The following RNF38 variants were observed in gnomAD, a reference collection of about 807,000 sequenced individuals.
RNF38 encodes ring finger protein 38.
In RNF38, 15 loss-of-function variants were observed where a neutral mutation model predicts 67.2. The ratio of observed to expected loss-of-function variants is 0.22; its 90% CI spans 0.15 to 0.34. The LOEUF (loss-of-function observed/expected upper bound fraction) is 0.34. Among genes scored for constraint, RNF38 ranks in the 10% least tolerant of loss-of-function variants. The pLI is 1.00. For synonymous variants in RNF38, 220 were observed against 218.8 expected (o/e 1.01, Z -0.05); for missense variants, 524 against 639.9 (o/e 0.82, Z 1.95).
chr9:36,343,344 G>A (rs1055140784), intron 10 of RNF38, among the ~76,000 whole-genome samples: 1 of 152,082 alleles, frequency 6.6e-6, no homozygotes, highest in African/African-American at 2.4e-5. Context: ...TCTGAGAGAA[G>A]ACATTTTTGA....
At chr9:36,427,657 C>CCCTATCTA (rs571011739) in intron 1 of RNF38, among the ~76,000 whole-genome samples, 1 of 147,064 alleles carries the variant, frequency 6.8e-6, no homozygotes, top group African/African-American at 2.5e-5. Context: ...ATTTCCCAGC[C>CCCTATCTA]TCTATCTATC....
intron 1 of RNF38, among the ~76,000 whole-genome samples, chr9:36,446,789 C>T (rs1458402670): frequency 8.6e-6 from 1 of 116,174 alleles, no homozygotes; most frequent in East Asian, 2.8e-4. Context: ...GCCTGGGCGA[C>T]AGAGTGAGAC....
At chr9:36,426,110 T>C (rs952906539) in intron 1 of RNF38, among the ~76,000 whole-genome samples, 2 of 152,248 alleles carry the variant, frequency 1.3e-5, no homozygotes, top group African/African-American at 4.8e-5. Context: ...AGCTTACTGA[T>C]ACTTCCAGAT....
chr9:36,467,756 T>C (rs1025971660), intron 1 of RNF38, among the ~76,000 whole-genome samples: 6 of 152,292 alleles, frequency 3.9e-5, no homozygotes, highest in South Asian at 2.1e-4. Flanking sequence ...ATGGTACCTG[T>C]TACCACCTCT....
chr9:36,476,009 CAAAAA>C (rs139323204), intron 1 of RNF38, among the ~76,000 whole-genome samples: 5 of 109,448 alleles, frequency 4.6e-5, no homozygotes, highest in Admixed American at 1.9e-4. Context: ...ACTCTGTTTC[CAAAAA>C]AAAAAAAAAA....
At chr9:36,474,138 C>T (rs1376787109) in intron 1 of RNF38, among the ~76,000 whole-genome samples, 1 of 151,642 alleles carries the variant, frequency 6.6e-6, no homozygotes. Context: ...ACGGTGAAAC[C>T]CCATCTCTAC....
chr9:36,365,088 T>C (rs1834839497), intron 4 of RNF38, among the ~76,000 whole-genome samples: 1 of 152,214 alleles, frequency 6.6e-6, no homozygotes. Flanking sequence ...GTTCACTTTC[T>C]ATGGCTGTAG....
intron 9 of RNF38, among the ~76,000 whole-genome samples, chr9:36,349,939 C>G (rs911520316): frequency 6.6e-6 from 1 of 152,158 alleles, no homozygotes; most frequent in East Asian, 1.9e-4. Flanking sequence ...CAGCCTCCCC[C>G]TCCCGAGTAG....
chr9:36,342,182 T>C (rs112124794), intron 11 of RNF38, 143 bp downstream of exon 11: 1 of 384,632 alleles, frequency 2.6e-6, no homozygotes, highest in Admixed American at 5.5e-5. Context: ...TTACTGGCCT[T>C]TTCTCATTTG....
At chr9:36,394,806 A>G (rs1837399240) in intron 1 of RNF38, among the ~76,000 whole-genome samples, 1 of 152,210 alleles carries the variant, frequency 6.6e-6, no homozygotes, top group Non-Finnish European at 1.5e-5. Context: ...GTAAGTATCA[A>G]CTATTCCACC....
chr9:36,445,329 A>C (rs1449283288), intron 1 of RNF38, among the ~76,000 whole-genome samples: 1 of 152,240 alleles, frequency 6.6e-6, no homozygotes, highest in East Asian at 1.9e-4. Flanking sequence ...AGTCATACAA[A>C]GTAGATTTTG....
At chr9:36,428,013 T>C (rs1352720503) in intron 1 of RNF38, among the ~76,000 whole-genome samples, 2 of 151,070 alleles carry the variant, frequency 1.3e-5, no homozygotes, top group Non-Finnish European at 2.9e-5. Context: ...CCCAGACAAA[T>C]TTCTCAGCTC....
chr9:36,474,596 A>G (rs1241637967), intron 1 of RNF38, among the ~76,000 whole-genome samples: 4 of 148,110 alleles, frequency 2.7e-5, no homozygotes, highest in African/African-American at 1.0e-4. Flanking sequence ...TATCATCTCC[A>G]GCGAGTTGTT....
intron 2 of RNF38, among the ~76,000 whole-genome samples, chr9:36,386,646 T>G (rs1836662173): frequency 1.3e-5 from 2 of 152,264 alleles, no homozygotes; most frequent in Admixed American, 1.3e-4. Flanking sequence ...ATACAAGACC[T>G]TCCTGATATT....
rs900221742 is a variant in RNF38, at chr9:36,447,062, G to C, written n.242-22379C>G. 1.3e-5 allele frequency among the ~76,000 whole-genome samples: 2 copies of C among 151,456 alleles called. 1 individual carries two copies. The highest frequency in any genetic ancestry group is 1.3e-4 in the Admixed American group (2 of 15,172). On this transcript the variant is annotated intron_variant and non_coding_transcript_variant, in intron 1 of 3. Transcript: ENST00000488058. ...GAATTGCTTGAACACAGGAGATGGA[G>C]GTTGCAGTGAGTTGAGATCGTGTCA...
intron 4 of RNF38, among the ~76,000 whole-genome samples, chr9:36,366,408 T>C (rs1216672041): frequency 6.6e-6 from 1 of 152,206 alleles, no homozygotes; most frequent in Non-Finnish European, 1.5e-5. Context: ...GATTAGTATG[T>C]CTGGGTTGTT....
upstream of RNF38, chr9:36,400,757 G>A (rs1211421165): frequency 2.0e-6 from 2 of 985,662 alleles, no homozygotes; most frequent in Non-Finnish European, 1.2e-6. Context: ...GGCCGCGCCA[G>A]GAAACGACGG....
At chr9:36,480,107 T>G (rs1840214565) in intron 1 of RNF38, among the ~76,000 whole-genome samples, 1 of 151,954 alleles carries the variant, frequency 6.6e-6, no homozygotes, top group Non-Finnish European at 1.5e-5. Flanking sequence ...GCCTCCCGAG[T>G]AGCTGGGCCT....
intron 1 of RNF38, among the ~76,000 whole-genome samples, chr9:36,464,921 A>G (rs921631341): frequency 6.6e-6 from 1 of 152,228 alleles, no homozygotes; most frequent in Admixed American, 6.6e-5. Context: ...TGAGGACTCA[A>G]AAAGATACTA....
Sources: gnomAD v4.1 joint callset for allele counts (sites outside exome capture counted in the v4.1 genomes callset) on GRCh38, gnomAD v4.1.1 for gene constraint, MANE v1.5 for transcripts, NCBI Gene and HGNC (gene_info 2026-07-23, HGNC 2026-07-21) for gene names.